The following PTBP1 variants were observed in gnomAD, a reference collection of about 807,000 sequenced individuals.
PTBP1 encodes the protein polypyrimidine tract-binding protein 1.
Under a neutral mutation model 59.8 loss-of-function variants are expected in PTBP1, and 8 were observed. The ratio of observed to expected loss-of-function variants is 0.13; its 90% CI spans 0.08 to 0.24. The LOEUF is 0.24. PTBP1 is among the 10% of genes least tolerant of loss of function. PTBP1 has a pLI of 1.00. For synonymous variants in PTBP1, 490 were observed against 320.7 expected, an observed-to-expected ratio of 1.53 and a Z score of -5.64; for missense variants, 686 against 767.0, an observed-to-expected ratio of 0.89 and a Z score of 1.25.
At chr19:806,198 G>T (rs1479898201) in intron 9 of PTBP1, 4 of 506,054 alleles carry the variant, frequency 7.9e-6, no homozygotes, top group Non-Finnish European at 1.4e-5. Context: ...CCCGGCCCGT[G>T]CTGTGAGGAG....
intron 2 of PTBP1, among the ~76,000 whole-genome samples, chr19:799,933 GT>G (rs1320319057): frequency 6.6e-6 from 1 of 151,648 alleles, no homozygotes; most frequent in Non-Finnish European, 1.5e-5. Context: ...TTTTGTTTTT[GT>G]TTTTTATTTT....
In PTBP1 at chr19:805,528, G is replaced by A. The variant is rs2034526130; in HGVS notation, c.929G>A (p.Gly310Glu). 1 of 1,613,832 alleles carries A rather than the reference G, an allele frequency of 6.2e-7. No individual in the cohort carries two copies. Among genetic ancestry groups the A allele is most frequent in the Non-Finnish European group, 8.5e-7 (1 of 1,179,806 alleles). The change falls in exon 9 of 15, where the codon GGA becomes GAA. Residue 310 changes from glycine to glutamate, a missense_variant. By Grantham distance (98) the Gly-to-Glu change is moderately conservative (BLOSUM62 -2). Transcript: ENST00000356948. ...ATAATCTCAGCCTCTCCGTATGCAG[G>A]AGCTGGTTTCCCTCCCACCTTTGCC... ...PGIISASPYA[G>E]AGFPPTFAIP...
rs372004541 is a variant in PTBP1 at position 804,085 on chromosome 19, C to A, written c.165C>A (p.Gly55=). 6.2e-7 allele frequency: 1 copy of A among 1,614,050 alleles called. No individual in the cohort carries two copies. The highest frequency in any genetic ancestry group is 8.5e-7 in the Non-Finnish European group (1 of 1,179,990). Residue 55 remains glycine, a synonymous_variant, in exon 4 of 15, where the codon GGC becomes GGA. Coordinates refer to ENST00000356948, the MANE Select transcript of PTBP1 (RefSeq NM_002819.5). Reference sequence around the variant, plus strand: ...TCAAAGGTGACAGCCGAAGTGCAGGCGTCCCCTCTAGAGTGATCCACATCC... The same window carrying A: ...TCAAAGGTGACAGCCGAAGTGCAGGAGTCCCCTCTAGAGTGATCCACATCC... ...KKFKGDSRSA[G]VPSRVIHIRK... is the part of the protein sequence containing the mutation.
In PTBP1 at chr19:811,768, G is replaced by GC. The variant is rs1189980869; in HGVS notation, c.*944dup. 1 of 152,434 alleles carries GC rather than the reference G, an allele frequency of 6.6e-6. No homozygotes were observed. The highest frequency in any genetic ancestry group is 1.5e-5 in the Non-Finnish European group (1 of 68,038). The allele number at this position is 152,434 out of a possible 1,614,324, so 9.4% of individuals were successfully genotyped here. A position where few individuals can be genotyped will look rare whatever the true frequency, so the allele number is the denominator to read the frequency against. ...CGGGCGTGTCGCCGCCTCTGGCATC[G>GC]CCTCCGGTTGCCTTACACCACGCCT... On this transcript the variant is annotated 3_prime_UTR_variant, in exon 15 of 15. Coordinates refer to ENST00000356948, the MANE Select transcript of PTBP1 (RefSeq NM_002819.5).
intron 11 of PTBP1, 29 bp downstream of exon 11, chr19:807,931 T>C (rs770023976): frequency 8.2e-6 from 13 of 1,592,062 alleles, no homozygotes; most frequent in African/African-American, 1.3e-5. Flanking sequence ...TTTTATTACC[T>C]TGTTTTCATT....
In PTBP1 at chr19:808,456, A is replaced by G. The variant is rs1053697686; in HGVS notation, c.1246+4A>G. The G allele has an allele frequency of 3.8e-6, 6 of 1,595,588 alleles. 1 individual carries two copies. Among genetic ancestry groups the G allele is most frequent in the Middle Eastern group, 4.4e-4 (2 of 4,534 alleles). Reference sequence around the variant, plus strand: ...GACGGCAACCAGGCCCAGCTGGGTAAGAGGCCGGGGCGGCCCCGGGGTGGA... The same window carrying G: ...GACGGCAACCAGGCCCAGCTGGGTAGGAGGCCGGGGCGGCCCCGGGGTGGA... On this transcript the variant is annotated splice_donor_region_variant and intron_variant, in intron 12 of 14. Transcript: ENST00000356948. The surrounding 1 kb of genome is among the most constrained non-coding windows in gnomAD (Gnocchi z 4.7).
intron 13 of PTBP1, among the ~76,000 whole-genome samples, chr19:809,125 C>T (rs1345428784): frequency 6.6e-6 from 1 of 152,114 alleles, no homozygotes; most frequent in Non-Finnish European, 1.5e-5. Flanking sequence ...TGTGCCACCT[C>T]AGCTTCCCGA....
chr19:810,922 A>C lies in PTBP1; in HGVS notation c.*96A>C, dbSNP rs2034833998. The stretch of plus-strand genomic sequence containing the variant: ...ACAGCTGAAGTGACCTTAGCAGACC[A>C]GAGATTTTATTTTTTTAAAGAGAAA... On this transcript the variant is annotated 3_prime_UTR_variant, in exon 15 of 15. Coordinates refer to ENST00000356948, the MANE Select transcript of PTBP1 (RefSeq NM_002819.5). 1 of 1,216,670 alleles carries C rather than the reference A, an allele frequency of 8.2e-7. No individual in the cohort carries two copies. Among genetic ancestry groups the C allele is most frequent in the Admixed American group, 2.9e-5 (1 of 34,528 alleles). The allele number at this position is 1,216,670 out of a possible 1,614,324, so 75.4% of individuals were successfully genotyped here. A position where few individuals can be genotyped will look rare whatever the true frequency, so the allele number is the denominator to read the frequency against.
Position 803,761 on chromosome 19 carries a change from C to A in PTBP1, c.115+125C>A. The A allele has an allele frequency of 2.2e-6, 2 of 918,814 alleles. 1 individual carries two copies. The highest frequency in any genetic ancestry group is 3.4e-6 in the Non-Finnish European group (2 of 592,732). 56.9% of individuals were successfully genotyped at this position (918,814 alleles called of 1,614,324 possible). ...AGGGGCCCATGGTCCACGCTACAGA[C>A]CCAGGTCCAAGTTCTCGCTGCAGAG... On this transcript the variant is annotated intron_variant, in intron 3 of 14. Transcript: ENST00000356948.
chr19:797,641 C>T lies in PTBP1; in HGVS notation c.8+136C>T, dbSNP rs939934907. The T allele has an allele frequency of 3.1e-3, 1,454 of 474,262 alleles. 6 individuals carry two copies. Among genetic ancestry groups the T allele is most frequent in the Non-Finnish European group, 3.9e-3 (1,230 of 317,876 alleles). 29.4% of individuals were successfully genotyped at this position (474,262 alleles called of 1,614,324 possible). A position where few individuals can be genotyped will look rare whatever the true frequency, so the allele number is the denominator to read the frequency against. ...GGCGGCGGGCTCTCCCCTTCCTCTC[C>T]GCGTGGCGGGCGCGGGTGCGGGGCG... On this transcript the variant is annotated intron_variant, in intron 1 of 14. Transcript: ENST00000356948.
At position 804,642 on chromosome 19, in the gene PTBP1, C is replaced by T. The variant is rs3170451; in HGVS notation, c.546C>T (p.Pro182=). The change falls in exon 6 of 15, where the codon CCC becomes CCT. Residue 182 remains proline, a synonymous_variant. Transcript: ENST00000356948. Reference sequence around the variant, plus strand: ...GGATGGCGATGGCCGGGCAGAGCCCCGTGCTCAGGATCATCGTGGAGAACC... The same window carrying T: ...GGATGGCGATGGCCGGGCAGAGCCCTGTGCTCAGGATCATCGTGGAGAACC... ...DAGMAMAGQS[P]VLRIIVENLF... The T allele has an allele frequency of 0.15, 246,316 of 1,612,760 alleles. 21,135 individuals carry two copies. The highest frequency in any genetic ancestry group is 0.25 in the Admixed American group (15,122 of 59,998).
rs11549886 is a variant in PTBP1, at chr19:804,350, C to T, written c.347C>T (p.Ser116Leu). The change falls in exon 5 of 15, where the codon TCG (serine) becomes TTG (leucine). Residue 116 changes from serine to leucine, a missense_variant. By Grantham distance (145) the Ser-to-Leu change is moderately radical. Transcript: ENST00000356948. The stretch of plus-strand genomic sequence containing the variant: ...AACACCATGGTGAACTACTACACCT[C>T]GGTGACCCCTGTGCTGCGCGGCCAG... ...AANTMVNYYT[S>L]VTPVLRGQPI... The T allele has an allele frequency of 7.4e-6, 12 of 1,613,346 alleles. No individual in the cohort carries two copies. The highest frequency in any genetic ancestry group is 1.7e-4 in the Middle Eastern group (1 of 5,930).
chr19:810,355 A>T (rs1291670205), intron 13 of PTBP1, among the ~76,000 whole-genome samples, 188 bp from the exon 14 acceptor site: 1 of 152,000 alleles, frequency 6.6e-6, no homozygotes, highest in Non-Finnish European at 1.5e-5. Context: ...AAACTTGTAG[A>T]TGCCTGGTTT....
rs1041542025 is a variant in PTBP1 at position 811,477 on chromosome 19, T to C, written c.*651T>C. 2 of 152,506 alleles carry C rather than the reference T, an allele frequency of 1.3e-5. No individual in the cohort carries two copies. Among genetic ancestry groups the C allele is most frequent in the Non-Finnish European group, 2.9e-5 (2 of 68,044 alleles). The allele number at this position is 152,506 out of a possible 1,614,324, so 9.4% of individuals were successfully genotyped here. A position where few individuals can be genotyped will look rare whatever the true frequency, so the allele number is the denominator to read the frequency against. On this transcript the variant is annotated 3_prime_UTR_variant, in exon 15 of 15. Transcript: ENST00000356948. ...GCAGACGTCTGTGCCTAGCAATATT[T>C]CCAGTTGACCAAATATTCTAATCTT...
Position 811,253 on chromosome 19 carries a change from C to G in PTBP1, c.*427C>G, listed in dbSNP as rs1263932961. The G allele has an allele frequency of 6.5e-6, 1 of 154,356 alleles. No individual in the cohort carries two copies. Among genetic ancestry groups the G allele is most frequent in the Non-Finnish European group, 1.4e-5 (1 of 69,520 alleles). 9.6% of individuals were successfully genotyped at this position (154,356 alleles called of 1,614,324 possible). Reference sequence around the variant, plus strand: ...GTCACACCAGAGAGAGGCAGGGGGCCTGGCCGGCTCCTGCAGGATCATGCA... The same window carrying G: ...GTCACACCAGAGAGAGGCAGGGGGCGTGGCCGGCTCCTGCAGGATCATGCA... On this transcript the variant is annotated 3_prime_UTR_variant, in exon 15 of 15. Coordinates refer to ENST00000356948, the MANE Select transcript of PTBP1 (RefSeq NM_002819.5).
At chr19:797,827 C>G (rs969756437) in intron 1 of PTBP1, among the ~76,000 whole-genome samples, 1 of 148,676 alleles carries the variant, frequency 6.7e-6, no homozygotes, top group Non-Finnish European at 1.5e-5. Flanking sequence ...GGCGCGCGGC[C>G]CTTCCCGCTT....
chr19:802,919 C>T (rs560867598), intron 2 of PTBP1, among the ~76,000 whole-genome samples: 28 of 152,338 alleles, frequency 1.8e-4, no homozygotes, highest in Admixed American at 1.4e-3. Flanking sequence ...GGAGCTCCCC[C>T]GGCCCTAGTC....
chr19:803,762 C>G (rs1353716239), intron 3 of PTBP1, 126 bp downstream of exon 3: 1 of 917,056 alleles, frequency 1.1e-6, no homozygotes, highest in Non-Finnish European at 1.7e-6. Context: ...CGCTACAGAC[C>G]CAGGTCCAAG....
chr19:811,041 G>T lies in PTBP1; in HGVS notation c.*215G>T, dbSNP rs1442199983. On this transcript the variant is annotated 3_prime_UTR_variant, in exon 15 of 15. Transcript: ENST00000356948. ...TCAGGCTCTTGGTGACTGTGGCAGC[G>T]GGAGTTCCCGGCCCTCCACACCCGG... 2 of 493,590 alleles carry T rather than the reference G, an allele frequency of 4.1e-6. No individual in the cohort carries two copies. The highest frequency in any genetic ancestry group is 6.8e-6 in the Non-Finnish European group (2 of 293,538). The allele number at this position is 493,590 out of a possible 1,614,324, so 30.6% of individuals were successfully genotyped here.
Sources: allele counts gnomAD v4.1 joint callset (sites outside exome capture counted in the v4.1 genomes callset), GRCh38; gene constraint gnomAD v4.1.1; non-coding constraint Gnocchi (gnomAD v3.1); transcripts MANE v1.5; gene names NCBI Gene and HGNC (gene_info 2026-07-23, HGNC 2026-07-21).